The following GGT1 variants were observed in gnomAD, a reference collection of about 807,000 sequenced individuals.
The protein encoded by GGT1 is glutathione hydrolase 1 proenzyme.
A neutral mutation model predicts 56.0 loss-of-function variants in GGT1; 21 were observed. The observed-to-expected ratio is 0.38, with a 90% CI of 0.27 to 0.54. The LOEUF (loss-of-function observed/expected upper bound fraction) is 0.54. Among genes scored for constraint, GGT1 ranks in the 20% least tolerant of loss-of-function variants. The probability of loss-of-function intolerance (pLI) is 0.82; values close to 1 mark genes in which losing one functional copy is unlikely to be tolerated. For missense variants in GGT1, 466 were observed against 787.0 expected, an observed-to-expected ratio of 0.59 and a Z score of 4.88; for synonymous variants, 238 against 342.6, an observed-to-expected ratio of 0.69 and a Z score of 3.37.
At chr22:24,600,033 C>T (rs141939223), upstream of GGT1, among the ~76,000 whole-genome samples, 247 of 152,300 alleles carry the variant, frequency 1.6e-3, 1 homozygote, top group East Asian at 0.036. Context: ...CCCATCCCCT[C>T]CTTGGAGCTT....
intron 11 of GGT1, among the ~76,000 whole-genome samples, chr22:24,626,033 C>G (rs2047734679): frequency 7.6e-6 from 1 of 131,876 alleles, no homozygotes; most frequent in African/African-American, 3.5e-5. Context: ...CAGGCTGTCC[C>G]CCAGGCTGGA....
chr22:24,622,549 G>A (rs1334159534), intron 9 of GGT1, among the ~76,000 whole-genome samples: 2 of 152,146 alleles, frequency 1.3e-5, no homozygotes, highest in Non-Finnish European at 2.9e-5. Flanking sequence ...GGGCGATAGA[G>A]CGAGACTCCG....
rs566015085 is a variant in GGT1, at chr22:24,621,705, T to C, written c.733+635T>C. On this transcript the variant is annotated intron_variant, in intron 9 of 15. Transcript: ENST00000400382. ...GCCTCCCTCCTCTATTCATTCATCATGAGGAGAAGAGGCCAAGCGGCAGGG... is the reference window on the plus strand; with the variant it reads ...GCCTCCCTCCTCTATTCATTCATCACGAGGAGAAGAGGCCAAGCGGCAGGG... Among the ~76,000 whole-genome samples, 3 of 152,292 alleles carry C rather than the reference T, an allele frequency of 2.0e-5. No homozygotes were observed. The South Asian group carries it at 6.2e-4, about 32-fold the overall frequency.
chr22:24,599,364 CAA>C (rs796490845), upstream of GGT1: 42 of 94,368 alleles, frequency 4.5e-4, no homozygotes, highest in Admixed American at 7.8e-4. Flanking sequence ...TGCCCCACTC[CAA>C]AAAAAAAAAA....
In GGT1 at chr22:24,625,215, G is replaced by C. The variant is rs549671016; in HGVS notation, c.1020+1299G>C. ...CTTGAACATAGCACAGCAGGATGTC[G>C]GGGTGACACAACCTGTTGTCCCTTC... On this transcript the variant is annotated intron_variant, in intron 11 of 15. Coordinates refer to ENST00000400382, the MANE Select transcript of GGT1 (RefSeq NM_001288833.2). Among the ~76,000 whole-genome samples the C allele has an allele frequency of 5.9e-5, 9 of 152,256 alleles. No individual in the cohort carries two copies. The East Asian group carries it at 1.7e-3, about 29-fold the overall frequency.
chr22:24,601,223 C>T (rs1003831795), upstream of GGT1, among the ~76,000 whole-genome samples: 2 of 152,184 alleles, frequency 1.3e-5, no homozygotes. Flanking sequence ...CCGCATTGTT[C>T]GATCATTGTG....
chr22:24,607,156 G>A (rs1465279117), intron 1 of GGT1, among the ~76,000 whole-genome samples: 2 of 152,150 alleles, frequency 1.3e-5, no homozygotes, highest in Non-Finnish European at 2.9e-5. Context: ...TTTCTGGGCT[G>A]TTCGGGTGGT....
chr22:24,606,458 C>G (rs1313408978), intron 1 of GGT1, among the ~76,000 whole-genome samples: 1 of 152,162 alleles, frequency 6.6e-6, no homozygotes, highest in Admixed American at 6.5e-5. Context: ...TGTGGCTCTC[C>G]ACTTTAGACC....
At chr22:24,587,771 A>G in the GGT1 span, among the ~76,000 whole-genome samples, 1 of 152,212 alleles carries the variant, frequency 6.6e-6, no homozygotes. Flanking sequence ...AAATCAGGGT[A>G]GAGTGTGGCC....
chr22:24,621,164 A>G, intron 9 of GGT1, 94 bp downstream of exon 9: 1 of 1,487,776 alleles, frequency 6.7e-7, no homozygotes, highest in Non-Finnish European at 9.0e-7. Context: ...GTCTTGCCTG[A>G]GCCTGCAGGA....
chr22:24,599,559 G>A (rs769118823), upstream of GGT1, among the ~76,000 whole-genome samples: 3 of 152,038 alleles, frequency 2.0e-5, no homozygotes, highest in Non-Finnish European at 4.4e-5. Context: ...GGCCTATGGG[G>A]ACTGGAGGTC....
chr22:24,591,234 C>CA (rs1233314199), upstream of GGT1, among the ~76,000 whole-genome samples: 1 of 152,242 alleles, frequency 6.6e-6, no homozygotes, highest in Non-Finnish European at 1.5e-5. Flanking sequence ...CATGTGCCAC[C>CA]ACGCCCAGCT....
Position 24,605,787 on chromosome 22 carries a change from T to A in GGT1, c.-428-2167T>A, listed in dbSNP as rs2046193326. On this transcript the variant is annotated intron_variant, in intron 1 of 15. Coordinates refer to ENST00000400382, the MANE Select transcript of GGT1 (RefSeq NM_001288833.2). ...AATATTATATAATGTGTATTATATA[T>A]TATATAATATATGATGTGTATTATA... is the stretch of plus-strand genomic sequence containing the variant. 5.6e-5 allele frequency among the ~76,000 whole-genome samples: 4 copies of A among 71,986 alleles called. 1 individual carries two copies. In the South Asian group the frequency reaches 1.1e-3, roughly 20 times the overall value. The allele number at this position is 71,986 out of a possible 152,430, so 47.2% of individuals were successfully genotyped here. A position where few individuals can be genotyped will look rare whatever the true frequency, so the allele number is the denominator to read the frequency against.
chr22:24,611,773 TTGTGTGTGTGTGTGTGTGTGTGTG>T (rs57600451), intron 5 of GGT1, among the ~76,000 whole-genome samples: 2 of 131,016 alleles, frequency 1.5e-5, no homozygotes, highest in African/African-American at 2.7e-5. Context: ...CCCAACAAAT[TTGTGTGTGTGTGTGTGTGTGTGTG>T]TGTGTGTGTG....
rs1330586582 is a variant in GGT1 at position 24,611,198 on chromosome 22, C to T, written c.117C>T (p.Thr39=). ...AGGAACCTGACAACCATGTGTACAC[C>T]AGGGCTGCCGTGGCCGCGGATGCCA... ...ASKEPDNHVY[T]RAAVAADAKQ... The change falls in exon 5 of 16, where the codon ACC becomes ACT. Residue 39 remains threonine (T), a synonymous_variant. Transcript: ENST00000400382. The T allele has an allele frequency of 4.4e-6, 7 of 1,585,478 alleles. No homozygotes were observed. Among genetic ancestry groups the T allele is most frequent in the African/African-American group, 2.7e-5 (2 of 74,332 alleles).
chr22:24,625,301 A>C (rs1487570686), intron 11 of GGT1, among the ~76,000 whole-genome samples: 1 of 152,128 alleles, frequency 6.6e-6, no homozygotes, highest in Non-Finnish European at 1.5e-5. Flanking sequence ...GTTTGTACAC[A>C]GAGTCTCTGT....
At chr22:24,584,754 A>G in the GGT1 span, among the ~76,000 whole-genome samples, 3 of 151,964 alleles carry the variant, frequency 2.0e-5, no homozygotes, top group South Asian at 6.2e-4. Flanking sequence ...CTGGCTTAGC[A>G]CATGACTTCC....
At chr22:24,618,129 A>C (rs1230180023) in intron 7 of GGT1, among the ~76,000 whole-genome samples, 2 of 152,158 alleles carry the variant, frequency 1.3e-5, no homozygotes, top group Non-Finnish European at 1.5e-5. Context: ...AGTGCTTGTT[A>C]CATGCATAGA....
chr22:24,611,613 CTATT>C (rs2046698240), intron 5 of GGT1, among the ~76,000 whole-genome samples: 6 of 150,512 alleles, frequency 4.0e-5, no homozygotes, highest in Admixed American at 3.3e-4. Context: ...ATCTATCTAT[CTATT>C]TATTTAGAGA....
Sources: allele counts gnomAD v4.1 joint callset (sites outside exome capture counted in the v4.1 genomes callset), GRCh38; gene constraint gnomAD v4.1.1; transcripts MANE v1.5; gene names NCBI Gene and HGNC (gene_info 2026-07-23, HGNC 2026-07-21).